Variants in EPHA3 observed in about 807,000 individuals in gnomAD.
The protein encoded by EPHA3 is ephrin type-A receptor 3.
Under a neutral mutation model 107.1 loss-of-function variants are expected in EPHA3, and 42 were observed. That is an observed-to-expected ratio of 0.39 (90% CI 0.31 to 0.51). EPHA3 has a LOEUF of 0.51. Among genes scored for constraint, EPHA3 ranks in the 20% least tolerant of loss-of-function variants. The pLI, the probability that EPHA3 is intolerant of heterozygous loss-of-function variation, is 0.78. For synonymous variants in EPHA3, 461 were observed against 424.8 expected, an observed-to-expected ratio of 1.09 and a Z score of -1.05; for missense variants, 1,183 against 1,211.2, an observed-to-expected ratio of 0.98 and a Z score of 0.35.
chr3:89,422,192 AAC>A (rs56370135), intron 11 of EPHA3, among the ~76,000 whole-genome samples: 60,310 of 140,222 alleles, frequency 0.43, 13,437 homozygotes, highest in South Asian at 0.57. Context: ...TGTTGTATTT[AAC>A]ACACACACAC....
chr3:89,250,306 A>G (rs1002194798), intron 3 of EPHA3, among the ~76,000 whole-genome samples: 2 of 152,126 alleles, frequency 1.3e-5, no homozygotes, highest in Non-Finnish European at 2.9e-5. Flanking sequence ...ATGCCTATGC[A>G]TTTACTCAGT....
chr3:89,369,704 T>C (rs1352374376), intron 5 of EPHA3, among the ~76,000 whole-genome samples: 1 of 147,634 alleles, frequency 6.8e-6, no homozygotes, highest in African/African-American at 2.5e-5. Context: ...GAAACTACCA[T>C]CAGAGTGAAC....
intron 7 of EPHA3, among the ~76,000 whole-genome samples, chr3:89,400,930 T>C (rs1708950453): frequency 6.6e-6 from 1 of 152,206 alleles, no homozygotes; most frequent in South Asian, 2.1e-4. Context: ...AGGAAAGGTC[T>C]GACAATGCTC....
At chr3:89,133,502 A>G (rs1407776067) in intron 2 of EPHA3, among the ~76,000 whole-genome samples, 1 of 152,182 alleles carries the variant, frequency 6.6e-6, no homozygotes, top group African/African-American at 2.4e-5. Context: ...ACTCTTGGAA[A>G]GCATTTTCTG....
At chr3:89,301,183 A>T (rs1706479273) in intron 3 of EPHA3, among the ~76,000 whole-genome samples, 2 of 152,124 alleles carry the variant, frequency 1.3e-5, no homozygotes, top group South Asian at 2.1e-4. Context: ...AAGTATTCTC[A>T]TGTGGCTCAT....
Position 89,479,612 on chromosome 3 carries a change from T to A in EPHA3, c.*110T>A. On this transcript the variant is annotated 3_prime_UTR_variant, in exon 17 of 17. Transcript: ENST00000336596. ...ATACTGGTGGAAGTTCCAAGTCCAA[T>A]AAGACACTCAAATATGAGTACAAAT... 1 of 782,504 alleles carries A rather than the reference T, an allele frequency of 1.3e-6. No individual in the cohort carries two copies. The highest frequency in any genetic ancestry group is 2.1e-6 in the Non-Finnish European group (1 of 466,354). 48.5% of individuals were successfully genotyped at this position (782,504 alleles called of 1,614,324 possible). A position where few individuals can be genotyped will look rare whatever the true frequency, so the allele number is the denominator to read the frequency against.
intron 16 of EPHA3, among the ~76,000 whole-genome samples, chr3:89,474,866 T>G (rs1457974583): frequency 1.3e-5 from 2 of 152,226 alleles, no homozygotes; most frequent in African/African-American, 4.8e-5. Context: ...TAATTGTTAT[T>G]ATTATTTGAA....
intron 10 of EPHA3, among the ~76,000 whole-genome samples, chr3:89,414,096 C>A (rs1709203632): frequency 6.6e-6 from 1 of 151,578 alleles, no homozygotes; most frequent in Non-Finnish European, 1.5e-5. Context: ...TACAGGAATT[C>A]TCTGTGTAAC....
chr3:89,179,030 G>A (rs771752238), intron 2 of EPHA3, among the ~76,000 whole-genome samples: 3 of 151,576 alleles, frequency 2.0e-5, no homozygotes, highest in Non-Finnish European at 2.9e-5. Context: ...AAACTATATC[G>A]CTTATATTTT....
intron 15 of EPHA3, among the ~76,000 whole-genome samples, 182 bp downstream of exon 15, chr3:89,450,552 A>G (rs1479875693): frequency 3.3e-5 from 5 of 152,120 alleles, no homozygotes; most frequent in Admixed American, 6.6e-5. Context: ...CCTCCTTAAT[A>G]GTAATGATGA....
intron 3 of EPHA3, among the ~76,000 whole-genome samples, chr3:89,237,411 A>G (rs945306424): frequency 6.6e-6 from 1 of 152,144 alleles, no homozygotes; most frequent in African/African-American, 2.4e-5. Flanking sequence ...ACGGCCATAC[A>G]TGAGCCAATT....
rs373328017 is a variant in EPHA3 at position 89,232,064 on chromosome 3, A to G, written c.814+21544A>G. ...AGATTCTTTATGTAACTCACAGGAG[A>G]AAGACAGGAGAAGGTCAGAAGGTGC... On this transcript the variant is annotated intron_variant, in intron 3 of 16. Transcript: ENST00000336596. Among the ~76,000 whole-genome samples, 11 of 152,232 alleles carry G rather than the reference A, an allele frequency of 7.2e-5. No homozygotes were observed. The East Asian group carries it at 2.1e-3, about 29-fold the overall frequency.
intron 3 of EPHA3, among the ~76,000 whole-genome samples, chr3:89,271,582 A>G (rs1705669777): frequency 6.6e-6 from 1 of 151,962 alleles, no homozygotes; most frequent in Admixed American, 6.6e-5. Flanking sequence ...AGTATGTAAA[A>G]CAAAACGTAT....
intron 7 of EPHA3, chr3:89,399,740 G>A: frequency 8.7e-7 from 1 of 1,154,616 alleles, no homozygotes; most frequent in Non-Finnish European, 1.1e-6. Flanking sequence ...TTTTTTTTTA[G>A]CCATAAATTG....
At chr3:89,475,412 A>G (rs73139129) in intron 16 of EPHA3, among the ~76,000 whole-genome samples, 28,690 of 152,176 alleles carry the variant, frequency 0.19, 3,343 homozygotes, top group Non-Finnish European at 0.25. Context: ...GTCAAAGTAT[A>G]GGAAAAGATC....
intron 2 of EPHA3, among the ~76,000 whole-genome samples, chr3:89,138,684 C>T (rs1704365963): frequency 6.6e-6 from 1 of 151,674 alleles, no homozygotes; most frequent in Non-Finnish European, 1.5e-5. Context: ...TAAAAGTTCC[C>T]ATTATAGGTT....
chr3:89,339,802 AG>A (rs1707476629), intron 3 of EPHA3, among the ~76,000 whole-genome samples: 1 of 152,192 alleles, frequency 6.6e-6, no homozygotes, highest in African/African-American at 2.4e-5. Flanking sequence ...TCTGTATATA[AG>A]TTCTGTAAAT....
chr3:89,409,384 C>T (rs771206071), intron 9 of EPHA3, among the ~76,000 whole-genome samples: 7 of 152,020 alleles, frequency 4.6e-5, no homozygotes, highest in Middle Eastern at 3.4e-3. Flanking sequence ...ATTAAGTCAC[C>T]CTCAATTTGA....
chr3:89,341,724 G>T, intron 4 of EPHA3, 31 bp from the exon 5 acceptor site: 1 of 1,522,050 alleles, frequency 6.6e-7, no homozygotes, highest in Non-Finnish European at 9.0e-7. Flanking sequence ...CAGAAGTGAG[G>T]CTCATTAATC....
Sources: gnomAD v4.1 joint callset for allele counts (sites outside exome capture counted in the v4.1 genomes callset) on GRCh38, gnomAD v4.1.1 for gene constraint, MANE v1.5 for transcripts, NCBI Gene and HGNC (gene_info 2026-07-23, HGNC 2026-07-21) for gene names.